The following NRDE2 variants were observed in gnomAD, a reference collection of about 807,000 sequenced individuals.
NRDE2 encodes nuclear exosome regulator NRDE2.
NRDE2 carries 76 observed loss-of-function variants against 124.2 expected under a neutral mutation model. The observed-to-expected ratio is 0.61, with a 90% CI of 0.51 to 0.74. The LOEUF is 0.74. Among genes scored for constraint, NRDE2 ranks in the 30% least tolerant of loss-of-function variants. NRDE2 has a pLI of 0.00. For missense variants in NRDE2, 1,314 were observed against 1,417.3 expected (o/e 0.93, Z 1.17); for synonymous variants, 489 against 528.1 (o/e 0.93, Z 1.01).
Position 90,288,948 on chromosome 14 carries a change from C to CA in NRDE2, c.2426dup (p.Met809IlefsTer11), listed in dbSNP as rs756619747. On this transcript the variant is annotated frameshift_variant, in exon 11 of 14. Transcript: ENST00000354366. LOFTEE classifies it high-confidence loss of function. ...AGTCTTTCAGTTCTCTGCTTCCTGC[C>CA]ATGCCAAGTGCTGTGTCAAAAACTT... is the stretch of plus-strand genomic sequence containing the variant. 8 of 1,612,050 alleles carry CA rather than the reference C, an allele frequency of 5.0e-6. No homozygotes were observed. Among genetic ancestry groups the CA allele is most frequent in the Non-Finnish European group, 6.8e-6 (8 of 1,178,318 alleles).
rs1891788846 is a variant in NRDE2 at position 90,275,667 on chromosome 14, GA to G, written c.*2668del. On this transcript the variant is annotated 3_prime_UTR_variant, in exon 14 of 14. Coordinates refer to ENST00000354366, the MANE Select transcript of NRDE2 (RefSeq NM_017970.4). ...TGAGGCCTGCGGTGCCAAGTGCAGG[GA>G]TGCAGGTATGAAGTGCTTGTGAAAT... 6.6e-6 allele frequency: 1 copy of G among 152,200 alleles called. No individual in the cohort carries two copies. The highest frequency in any genetic ancestry group is 2.4e-5 in the African/African-American group (1 of 41,438). 9.4% of individuals were successfully genotyped at this position (152,200 alleles called of 1,614,324 possible).
chr14:90,291,531 G>A lies in NRDE2; in HGVS notation c.1843-924C>T, dbSNP rs556307333. 3.3e-5 allele frequency among the ~76,000 whole-genome samples: 5 copies of A among 152,288 alleles called. No individual in the cohort carries two copies. The South Asian group carries it at 1.0e-3, about 32-fold the overall frequency. On this transcript the variant is annotated intron_variant, in intron 9 of 13. Coordinates refer to ENST00000354366, the MANE Select transcript of NRDE2 (RefSeq NM_017970.4). ...GCCTTGAGAAATGACTTCCAGAAGG[G>A]TGGCTGTGAACTCTACAAAATCCTC...
intron 7 of NRDE2, among the ~76,000 whole-genome samples, 170 bp downstream of exon 7, chr14:90,301,069 T>C (rs952204908): frequency 2.0e-5 from 3 of 151,502 alleles, no homozygotes; most frequent in African/African-American, 7.3e-5. Flanking sequence ...CACTGGACTA[T>C]TTCTGAGAAT....
In NRDE2 at chr14:90,312,515, C is replaced by T. The variant is rs1884882993; in HGVS notation, c.436G>A (p.Gly146Arg). The T allele has an allele frequency of 6.2e-7, 1 of 1,613,966 alleles. No homozygotes were observed. Among genetic ancestry groups the T allele is most frequent in the Non-Finnish European group, 8.5e-7 (1 of 1,180,004 alleles). The change falls in exon 4 of 14, where the codon GGA becomes AGA. Residue 146 changes from glycine (G) to arginine (R), a missense_variant. Coordinates refer to ENST00000354366, the MANE Select transcript of NRDE2 (RefSeq NM_017970.4). ...TCCTCAAGCCAAACAAAGCGATGTCCAGTATCAGCTGCAGCATTATTTCCT... is the reference window on the plus strand; with the variant it reads ...TCCTCAAGCCAAACAAAGCGATGTCTAGTATCAGCTGCAGCATTATTTCCT... The part of the protein sequence containing the change: ...NQGNNAAADT[G>R]HRFVWLEDIQ...
intron 2 of NRDE2, among the ~76,000 whole-genome samples, chr14:90,317,392 T>C (rs956483269): frequency 6.6e-6 from 1 of 152,208 alleles, no homozygotes; most frequent in Non-Finnish European, 1.5e-5. Context: ...GACAATGAGC[T>C]CTTCTTCCTC....
At chr14:90,302,408 G>C (rs1190627356) in intron 6 of NRDE2, among the ~76,000 whole-genome samples, 3 of 152,156 alleles carry the variant, frequency 2.0e-5, no homozygotes, top group African/African-American at 4.8e-5. Context: ...GGGTGAGACA[G>C]GTACATGCAT....
rs375519334 is a variant in NRDE2 at position 90,303,805 on chromosome 14, T to A, written c.1005+130A>T. The A allele has an allele frequency of 9.5e-5, 78 of 817,750 alleles. No homozygotes were observed. The East Asian group carries it at 1.7e-3, about 18-fold the overall frequency. The allele number at this position is 817,750 out of a possible 1,614,324, so 50.7% of individuals were successfully genotyped here. A position where few individuals can be genotyped will look rare whatever the true frequency, so the allele number is the denominator to read the frequency against. On this transcript the variant is annotated intron_variant, in intron 5 of 13. Coordinates refer to ENST00000354366, the MANE Select transcript of NRDE2 (RefSeq NM_017970.4). ...TTGAGCGAGCTCAGGGCAAAGGCTC[T>A]ATTCTAATAATCTTTGTATGCCCAG...
intron 12 of NRDE2, among the ~76,000 whole-genome samples, chr14:90,283,372 A>G (rs1445423569): frequency 1.3e-5 from 2 of 152,178 alleles, no homozygotes; most frequent in African/African-American, 4.8e-5. Context: ...AATATTGTAC[A>G]TTTGCACCTT....
At chr14:90,284,772 C>T (rs1046396955) in intron 12 of NRDE2, among the ~76,000 whole-genome samples, 6 of 152,108 alleles carry the variant, frequency 3.9e-5, no homozygotes, top group African/African-American at 1.4e-4. Flanking sequence ...AAGACTGTTT[C>T]TAAAAAAAAG....
Position 90,286,378 on chromosome 14 carries a change from C to T in NRDE2, c.3273G>A (p.Leu1091=), listed in dbSNP as rs1159900687. ...RSDSGSQCPL[L]WRMYLNFLVS... is the part of the protein sequence containing the mutation. ...CCAGAAAGTTCAAATACATCCTCCACAGCAAGGGGCACTGGCTGCCACTGT... is the reference window on the plus strand; with the variant it reads ...CCAGAAAGTTCAAATACATCCTCCATAGCAAGGGGCACTGGCTGCCACTGT... The change falls in exon 12 of 14, where the codon CTG becomes CTA. Residue 1091 remains leucine, a synonymous_variant. Coordinates refer to ENST00000354366, the MANE Select transcript of NRDE2 (RefSeq NM_017970.4). The T allele has an allele frequency of 2.5e-6, 4 of 1,614,056 alleles. No homozygotes were observed. The highest frequency in any genetic ancestry group is 2.2e-5 in the East Asian group (1 of 44,868).
chr14:90,303,870 C>A, intron 5 of NRDE2, 65 bp downstream of exon 5: 2 of 1,422,438 alleles, frequency 1.4e-6, no homozygotes, highest in South Asian at 1.3e-5. Flanking sequence ...GCTGCACAGT[C>A]CATCAGTTTG....
chr14:90,330,670 A>T (rs1885654211), intron 1 of NRDE2, among the ~76,000 whole-genome samples: 1 of 152,000 alleles, frequency 6.6e-6, no homozygotes, highest in African/African-American at 2.4e-5. Flanking sequence ...AAAATTAGCC[A>T]GGCCTGGTGG....
intron 1 of NRDE2, among the ~76,000 whole-genome samples, chr14:90,328,169 T>TGGCGCATGCCTGTA (rs1885519491): frequency 7.0e-6 from 1 of 142,608 alleles, no homozygotes; most frequent in African/African-American, 2.6e-5. Flanking sequence ...TAGCCAGGAG[T>TGGCGCATGCCTGTA]GGTGGCGCAT....
chr14:90,279,224 T>A (rs1363127672), intron 12 of NRDE2, 91 bp from the exon 13 acceptor site: 2 of 974,272 alleles, frequency 2.1e-6, no homozygotes, highest in East Asian at 4.8e-5. Context: ...GCACAAGCCC[T>A]CAGCTGCAGT....
intron 7 of NRDE2, among the ~76,000 whole-genome samples, 184 bp from the exon 8 acceptor site, chr14:90,298,564 G>C (rs1300149769): frequency 6.6e-6 from 1 of 152,168 alleles, no homozygotes; most frequent in African/African-American, 2.4e-5. Flanking sequence ...TAGCGTGGCA[G>C]GCAGCTTCCA....
intron 4 of NRDE2, 50 bp downstream of exon 4, chr14:90,312,343 GA>G: frequency 6.3e-7 from 1 of 1,592,294 alleles, no homozygotes; most frequent in Non-Finnish European, 8.6e-7. Flanking sequence ...GTTCCGAGGA[GA>G]AAAAAGTCAC....
In NRDE2 at chr14:90,290,406, G is replaced by A; in HGVS notation, c.2044C>T (p.Pro682Ser). ...ACACAGCTAGCCCCAGAAAACAAAG[G>A]GTTGAAAAAAGTCAAGGGCTTTTCA... ...YDEKPLTFFN[P>S]LFSGASCVGR... is the part of the protein sequence containing the mutation. The change falls in exon 10 of 14, where the codon CCT becomes TCT. Residue 682 changes from proline to serine, a missense_variant. Pro to Ser is a moderately conservative substitution (Grantham distance 74, BLOSUM62 -1). Coordinates refer to ENST00000354366, the MANE Select transcript of NRDE2 (RefSeq NM_017970.4). 6.2e-7 allele frequency: 1 copy of A among 1,614,018 alleles called. No homozygotes were observed. Among genetic ancestry groups the A allele is most frequent in the Non-Finnish European group, 8.5e-7 (1 of 1,180,016 alleles).
At chr14:90,303,265 C>G in intron 5 of NRDE2, 140 bp from the exon 6 acceptor site, 1 of 746,822 alleles carries the variant, frequency 1.3e-6, no homozygotes, top group Non-Finnish European at 2.1e-6. Context: ...TAAAGAAAAC[C>G]TGGATCCTAA....
Position 90,303,743 on chromosome 14 carries a change from C to A in NRDE2, c.1005+192G>T, listed in dbSNP as rs778872836. On this transcript the variant is annotated intron_variant, in intron 5 of 13. Coordinates refer to ENST00000354366, the MANE Select transcript of NRDE2 (RefSeq NM_017970.4). ...TTACAGCATTTACTACCCCAGGGTG[C>A]ACTTATTCTTCGCATGTCCATTTTC... Among the ~76,000 whole-genome samples, 36 of 152,222 alleles carry A rather than the reference C, an allele frequency of 2.4e-4. 1 individual carries two copies. Among genetic ancestry groups the A allele is most frequent in the Middle Eastern group, 3.2e-3 (1 of 316 alleles).
Sources: gnomAD v4.1 joint callset for allele counts (sites outside exome capture counted in the v4.1 genomes callset) on GRCh38, gnomAD v4.1.1 for gene constraint, MANE v1.5 for transcripts, NCBI Gene and HGNC (gene_info 2026-07-23, HGNC 2026-07-21) for gene names.